Variants in COMMD10 observed in about 807,000 individuals in gnomAD.
The protein encoded by COMMD10 is COMM domain-containing protein 10.
In COMMD10, 33 loss-of-function variants were observed where a neutral mutation model predicts 28.9. The observed-to-expected ratio is 1.14, with a 90% confidence interval of 0.87 to 1.53. The LOEUF (loss-of-function observed/expected upper bound fraction) is 1.53, where lower values mean the gene tolerates loss of function less well. Among genes scored for constraint, COMMD10 ranks in the 40% most tolerant of loss-of-function variants. The probability of loss-of-function intolerance (pLI) is 0.00; values close to 1 mark genes in which losing one functional copy is unlikely to be tolerated. For missense variants in COMMD10, 310 were observed against 233.4 expected (o/e 1.33, Z -2.14); for synonymous variants, 110 against 81.7 (o/e 1.35, Z -1.87).
At chr5:116,088,795 A>G (rs1282779667) in intron 2 of COMMD10, among the ~76,000 whole-genome samples, 2 of 152,238 alleles carry the variant, frequency 1.3e-5, no homozygotes, top group East Asian at 3.9e-4. Flanking sequence ...CTCCTAGTTC[A>G]TTCTCACCTG....
At chr5:116,283,929 A>C (rs1751146293) in intron 5 of COMMD10, among the ~76,000 whole-genome samples, 1 of 151,824 alleles carries the variant, frequency 6.6e-6, no homozygotes, top group African/African-American at 2.4e-5. Flanking sequence ...CAGGGGTTTG[A>C]AACCAGCTTG....
chr5:116,170,371 G>C (rs906959859), intron 5 of COMMD10, among the ~76,000 whole-genome samples: 1 of 152,210 alleles, frequency 6.6e-6, no homozygotes, highest in Non-Finnish European at 1.5e-5. Flanking sequence ...CTATGCTCAT[G>C]CATAGGAAGA....
intron 5 of COMMD10, among the ~76,000 whole-genome samples, chr5:116,203,447 C>T (rs111328876): frequency 2.0e-5 from 3 of 151,844 alleles, no homozygotes; most frequent in Non-Finnish European, 2.9e-5. Context: ...GTCACATTCA[C>T]CAAAGTTGCA....
chr5:116,196,635 TAAAA>T (rs1315902016), intron 5 of COMMD10, among the ~76,000 whole-genome samples: 1 of 151,156 alleles, frequency 6.6e-6, no homozygotes, highest in Non-Finnish European at 1.5e-5. Flanking sequence ...CTTTTTTTTT[TAAAA>T]AAAGAAAAAT....
At chr5:116,089,005 G>A (rs552645410) in intron 2 of COMMD10, among the ~76,000 whole-genome samples, 1 of 152,302 alleles carries the variant, frequency 6.6e-6, no homozygotes, top group African/African-American at 2.4e-5. Context: ...TTTCCTTGCT[G>A]TGGAAAACAC....
chr5:116,095,202 T>C (rs1750428900), intron 4 of COMMD10, among the ~76,000 whole-genome samples: 1 of 152,184 alleles, frequency 6.6e-6, no homozygotes, highest in Non-Finnish European at 1.5e-5. Context: ...ACACAAATGA[T>C]AAATGCTCAG....
intron 5 of COMMD10, among the ~76,000 whole-genome samples, chr5:116,211,848 T>C (rs1748974262): frequency 6.6e-6 from 1 of 152,142 alleles, no homozygotes; most frequent in African/African-American, 2.4e-5. Flanking sequence ...TTTACAATGA[T>C]ATTTAAAACT....
intron 5 of COMMD10, among the ~76,000 whole-genome samples, chr5:116,164,238 T>C (rs1362560033): frequency 6.6e-6 from 1 of 152,130 alleles, no homozygotes; most frequent in Non-Finnish European, 1.5e-5. Context: ...GGAGAACTGC[T>C]TGAACCCAGG....
chr5:116,094,901 G>A (rs1189299397), intron 4 of COMMD10, among the ~76,000 whole-genome samples: 2 of 152,106 alleles, frequency 1.3e-5, no homozygotes, highest in South Asian at 2.1e-4. Context: ...TTTATGTTAC[G>A]TGAAATAAGC....
chr5:116,201,761 G>A (rs1374127545), intron 5 of COMMD10, among the ~76,000 whole-genome samples: 1 of 152,018 alleles, frequency 6.6e-6, no homozygotes, highest in African/African-American at 2.4e-5. Flanking sequence ...AGTTGTCGTT[G>A]GGTTTCAAGT....
intron 5 of COMMD10, among the ~76,000 whole-genome samples, chr5:116,255,557 C>G (rs987733076): frequency 6.6e-6 from 1 of 151,400 alleles, no homozygotes; most frequent in South Asian, 2.1e-4. Context: ...GTAGTTGAGT[C>G]TTAGGAGTCT....
At chr5:116,169,832 C>T (rs188662930) in intron 5 of COMMD10, among the ~76,000 whole-genome samples, 218 of 152,110 alleles carry the variant, frequency 1.4e-3, no homozygotes, top group East Asian at 0.012. Context: ...ACTGATGGGA[C>T]GTATCTCAAA....
rs13172482 is a variant in COMMD10 at position 116,116,139 on chromosome 5, C to G, written c.400-17929C>G. Reference sequence around the variant, plus strand: ...AAATCTACATGAAAAAATGGATAGACAATAGTCCTAAGATAATAATGTTCC... The same window carrying G: ...AAATCTACATGAAAAAATGGATAGAGAATAGTCCTAAGATAATAATGTTCC... On this transcript the variant is annotated intron_variant, in intron 4 of 6. Coordinates refer to ENST00000274458, the MANE Select transcript of COMMD10 (RefSeq NM_016144.4). 1.2e-4 allele frequency among the ~76,000 whole-genome samples: 18 copies of G among 151,974 alleles called. No homozygotes were observed. The South Asian group carries it at 3.7e-3, about 32-fold the overall frequency.
At chr5:116,268,626 A>C (rs957035473) in intron 5 of COMMD10, among the ~76,000 whole-genome samples, 7 of 151,926 alleles carry the variant, frequency 4.6e-5, no homozygotes, top group Non-Finnish European at 7.3e-5. Flanking sequence ...AATATAAATC[A>C]TGCTGCTATA....
chr5:116,232,591 C>G (rs554302696), intron 5 of COMMD10, among the ~76,000 whole-genome samples: 3 of 152,184 alleles, frequency 2.0e-5, no homozygotes, highest in African/African-American at 7.2e-5. Flanking sequence ...ATCCCAGCTA[C>G]TCTGGAGGCT....
chr5:116,182,354 C>T (rs1019790853), intron 5 of COMMD10, among the ~76,000 whole-genome samples: 5 of 150,992 alleles, frequency 3.3e-5, no homozygotes, highest in Non-Finnish European at 7.4e-5. Flanking sequence ...AATAGGTTTC[C>T]GATTTATGTA....
chr5:116,246,491 T>A (rs565964621), intron 5 of COMMD10, among the ~76,000 whole-genome samples: 1 of 152,156 alleles, frequency 6.6e-6, no homozygotes, highest in African/African-American at 2.4e-5. Flanking sequence ...AAAACTATCT[T>A]AAAGTTCATC....
chr5:116,231,648 A>G (rs768861844), intron 5 of COMMD10, among the ~76,000 whole-genome samples: 1 of 152,148 alleles, frequency 6.6e-6, no homozygotes, highest in Admixed American at 6.5e-5. Context: ...TCAGATTCCT[A>G]CAGTCTAAAG....
At chr5:116,115,143 G>A (rs1751189305) in intron 4 of COMMD10, among the ~76,000 whole-genome samples, 1 of 152,090 alleles carries the variant, frequency 6.6e-6, no homozygotes, top group Non-Finnish European at 1.5e-5. Context: ...GGGAAGGTGT[G>A]GAACCCAGGG....
Sources: allele counts gnomAD v4.1 joint callset (sites outside exome capture counted in the v4.1 genomes callset), GRCh38; gene constraint gnomAD v4.1.1; transcripts MANE v1.5; gene names NCBI Gene and HGNC (gene_info 2026-07-23, HGNC 2026-07-21).